The following CYP46A1 variants were observed in gnomAD, a reference collection of about 807,000 sequenced individuals.
CYP46A1 encodes the protein cholesterol 24-hydroxylase.
CYP46A1 carries 20 observed loss-of-function variants against 63.3 expected under a neutral mutation model. The observed-to-expected ratio is 0.32, with a 90% CI of 0.22 to 0.46. The LOEUF (loss-of-function observed/expected upper bound fraction) is 0.46. Ranked by LOEUF, CYP46A1 falls within the 20% of genes least tolerant of loss-of-function variation. The pLI, the probability that CYP46A1 is intolerant of heterozygous loss-of-function variation, is 1.00. For missense variants in CYP46A1, 445 were observed against 670.8 expected (o/e 0.66, Z 3.72); for synonymous variants, 268 against 273.6 (o/e 0.98, Z 0.20).
chr14:99,725,806 T>A lies in CYP46A1; in HGVS notation c.1265+327T>A, dbSNP rs959314441. 1.3e-5 allele frequency among the ~76,000 whole-genome samples: 2 copies of A among 152,120 alleles called. No homozygotes were observed. The highest frequency in any genetic ancestry group is 4.8e-5 in the African/African-American group (2 of 41,432). On this transcript the variant is annotated intron_variant, in intron 13 of 14. Coordinates refer to ENST00000261835, the MANE Select transcript of CYP46A1 (RefSeq NM_006668.2). The surrounding 1 kb of genome is among the most constrained non-coding windows in gnomAD (Gnocchi z 4.2). ...CCGTGGCTGCATCTGCAAGTTGCTG[T>A]GGGGGTCAACGCGTTAAGGTACCGA...
chr14:99,716,957 A>C (rs1221968098), intron 9 of CYP46A1, among the ~76,000 whole-genome samples: 2 of 152,298 alleles, frequency 1.3e-5, no homozygotes, highest in African/African-American at 4.8e-5. Flanking sequence ...ATACTGATGG[A>C]CGAAGAGGTC....
rs185698137 is a variant in CYP46A1 at position 99,689,629 on chromosome 14, C to G, written c.120-1452C>G. 4.5e-3 allele frequency among the ~76,000 whole-genome samples: 690 copies of G among 152,286 alleles called. 2 individuals carry two copies. Among genetic ancestry groups the G allele is most frequent in the Non-Finnish European group, 6.3e-3 (430 of 68,020 alleles). On this transcript the variant is annotated intron_variant, in intron 1 of 14. Transcript: ENST00000261835. Reference sequence around the variant, plus strand: ...TCGCTCCATCCATTCTTCCAGCAGCCCAGGCCAAAAACACAGAGTCATCCT... The same window carrying G: ...TCGCTCCATCCATTCTTCCAGCAGCGCAGGCCAAAAACACAGAGTCATCCT...
At chr14:99,718,389 G>C (rs537791736) in intron 10 of CYP46A1, among the ~76,000 whole-genome samples, 1 of 152,126 alleles carries the variant, frequency 6.6e-6, no homozygotes, top group African/African-American at 2.4e-5. Context: ...GCCTGCTCCC[G>C]ACTCATGAGT....
chr14:99,684,788 G>A (rs1026368783), intron 1 of CYP46A1: 24 of 591,496 alleles, frequency 4.1e-5, no homozygotes, highest in Non-Finnish European at 6.0e-5. Flanking sequence ...TCAGGTAGGC[G>A]CTATTGTTAA....
chr14:99,695,604 TTTATTA>T (rs3070460), intron 3 of CYP46A1: 6,923 of 142,798 alleles, frequency 0.048, 402 homozygotes, highest in African/African-American at 0.14. Flanking sequence ...CCATTCCAGC[TTTATTA>T]TTATTATTAT....
At chr14:99,717,963 T>C (rs772407585) in intron 9 of CYP46A1, 91 bp from the exon 10 acceptor site, 16 of 1,024,364 alleles carry the variant, frequency 1.6e-5, no homozygotes, top group Non-Finnish European at 2.1e-5. Flanking sequence ...GCCATTTACA[T>C]GCCAGCACTG....
intron 1 of CYP46A1, among the ~76,000 whole-genome samples, chr14:99,687,982 G>GT (rs1488000144): frequency 2.0e-4 from 9 of 45,010 alleles, no homozygotes; most frequent in East Asian, 7.2e-3. Flanking sequence ...AGAAGGAATG[G>GT]GTTTTTTTTC....
chr14:99,709,151 A>G (rs965050512), intron 7 of CYP46A1: 2 of 152,242 alleles, frequency 1.3e-5, no homozygotes, highest in African/African-American at 4.8e-5. Context: ...TGGAAAAAGC[A>G]AGGAAATACT....
intron 1 of CYP46A1, among the ~76,000 whole-genome samples, chr14:99,685,212 C>T (rs1302673909): frequency 5.3e-5 from 8 of 151,252 alleles, no homozygotes; most frequent in Admixed American, 5.3e-4. Context: ...GCATGGCCCG[C>T]GAGGCCCCTG....
rs1595190544 is a variant in CYP46A1, at chr14:99,700,752, A to T, written c.443+651A>T. Among the ~76,000 whole-genome samples the T allele has an allele frequency of 2.0e-5, 3 of 152,386 alleles. No individual in the cohort carries two copies. The South Asian group carries it at 6.2e-4, about 32-fold the overall frequency. On this transcript the variant is annotated intron_variant, in intron 5 of 14. Transcript: ENST00000261835. The stretch of plus-strand genomic sequence containing the variant: ...TTATGTGTTTACTATACTTTTAAAC[A>T]TTCTTTTAGAATGGGTTCCTTCTAC...
intron 5 of CYP46A1, among the ~76,000 whole-genome samples, chr14:99,705,061 C>G (rs2056664049): frequency 6.6e-6 from 1 of 152,216 alleles, no homozygotes; most frequent in Admixed American, 6.5e-5. Context: ...CATCCCCCTC[C>G]TAAGAGCAAC....
intron 5 of CYP46A1, among the ~76,000 whole-genome samples, chr14:99,704,625 A>C (rs2056659578): frequency 6.6e-6 from 1 of 152,212 alleles, no homozygotes; most frequent in Non-Finnish European, 1.5e-5. Flanking sequence ...TAGCTGCAAG[A>C]GATTCAGTGT....
chr14:99,705,502 G>A (rs974501283), intron 5 of CYP46A1, among the ~76,000 whole-genome samples: 1 of 152,132 alleles, frequency 6.6e-6, no homozygotes, highest in African/African-American at 2.4e-5. Context: ...ATGAGCCCCT[G>A]GCCCTGGCCC....
chr14:99,699,491 A>C lies in CYP46A1; in HGVS notation c.308A>C (p.Asn103Thr), dbSNP rs1390297543. Residue 103 changes from asparagine (N) to threonine (T), a missense_variant, in exon 4 of 15, where the codon AAC becomes ACC. By Grantham distance (65) the Asn-to-Thr change is moderately conservative. Around this residue, in one of 4 missense-constraint regions of CYP46A1, gnomAD observed 252 missense variants for 383.3 expected, o/e 0.66. Transcript: ENST00000261835. ...VKKFLMSTKY[N>T]KDSKMYRALQ... ...AAGTTCCTGATGTCAACCAAGTACAACAAGGACTCCAAGATGTACCGTGCG... is the reference window on the plus strand; with the variant it reads ...AAGTTCCTGATGTCAACCAAGTACACCAAGGACTCCAAGATGTACCGTGCG... The C allele has an allele frequency of 6.2e-7, 1 of 1,614,080 alleles. No homozygotes were observed.
intron 7 of CYP46A1, chr14:99,710,883 A>G (rs1347025262): frequency 2.6e-5 from 4 of 152,188 alleles, no homozygotes; most frequent in Non-Finnish European, 5.9e-5. Context: ...TCATCAGCAC[A>G]TGAAAGATTC....
In CYP46A1 at chr14:99,706,776, C is replaced by G. The variant is rs900276621; in HGVS notation, c.573C>G (p.Ile191Met). Reference protein sequence around the residue: ...QDMLTYTAMDILAKAAFGMET... With the variant: ...QDMLTYTAMDMLAKAAFGMET... ...TGCTGACCTACACCGCCATGGACAT[C>G]CTGGCCAAGGTGATGGGTGACAGTC... Residue 191 changes from isoleucine (I) to methionine (M), a missense_variant, in exon 6 of 15, where the codon ATC becomes ATG. Ile to Met is a conservative substitution (Grantham distance 10). This residue lies in a region of CYP46A1 where 252 missense variants were observed against 383.3 expected (regional missense o/e 0.66). Coordinates refer to ENST00000261835, the MANE Select transcript of CYP46A1 (RefSeq NM_006668.2). 1 of 1,612,582 alleles carries G rather than the reference C, an allele frequency of 6.2e-7. No individual in the cohort carries two copies. Among genetic ancestry groups the G allele is most frequent in the Non-Finnish European group, 8.5e-7 (1 of 1,179,776 alleles).
chr14:99,684,525 G>C lies in CYP46A1; in HGVS notation c.108G>C (p.Pro36=). The C allele has an allele frequency of 6.8e-7, 1 of 1,471,062 alleles. No individual in the cohort carries two copies. The highest frequency in any genetic ancestry group is 9.0e-7 in the Non-Finnish European group (1 of 1,115,768). 91.1% of individuals were successfully genotyped at this position (1,471,062 alleles called of 1,614,324 possible). Residue 36 remains proline (P), a synonymous_variant, in exon 1 of 15, where the codon CCG becomes CCC. Coordinates refer to ENST00000261835, the MANE Select transcript of CYP46A1 (RefSeq NM_006668.2). ...GCCGCTACGAGCACATCCCCGGGCC[G>C]CCGCGGCCCAGGTGAGCGGGGCTGG... ...ARSRYEHIPG[P]PRPSFLLGHL... is the part of the protein sequence containing the mutation.
At chr14:99,710,741 C>T (rs2056722366) in intron 7 of CYP46A1, 1 of 152,126 alleles carries the variant, frequency 6.6e-6, no homozygotes. Context: ...ACACCCCACT[C>T]TCAGCACTGG....
At chr14:99,701,069 T>C (rs1475185393) in intron 5 of CYP46A1, among the ~76,000 whole-genome samples, 1 of 152,226 alleles carries the variant, frequency 6.6e-6, no homozygotes, top group Non-Finnish European at 1.5e-5. Context: ...AATAAGATAA[T>C]ATTTTTGTAC....
Sources: allele counts gnomAD v4.1 joint callset (sites outside exome capture counted in the v4.1 genomes callset), GRCh38; gene constraint gnomAD v4.1.1; regional missense constraint gnomAD v4.1.1; non-coding constraint Gnocchi (gnomAD v3.1); transcripts MANE v1.5; gene names NCBI Gene and HGNC (gene_info 2026-07-23, HGNC 2026-07-21).